The following TRHDE variants were observed in gnomAD, a reference collection of about 807,000 sequenced individuals.
The protein encoded by TRHDE is thyrotropin-releasing hormone-degrading ectoenzyme.
A neutral mutation model predicts 125.7 loss-of-function variants in TRHDE; 72 were observed. That is an observed-to-expected ratio of 0.57 (90% CI 0.47 to 0.70). The LOEUF (loss-of-function observed/expected upper bound fraction) is 0.70, where lower values mean the gene tolerates loss of function less well. Among genes scored for constraint, TRHDE ranks in the 30% least tolerant of loss-of-function variants. TRHDE has a pLI of 0.00. For synonymous variants in TRHDE, 509 were observed against 509.1 expected, an observed-to-expected ratio of 1.00 and a Z score of 0.00; for missense variants, 1,110 against 1,327.1, an observed-to-expected ratio of 0.84 and a Z score of 2.54.
In TRHDE at chr12:72,575,555, G is replaced by C. The variant is rs1870952771; in HGVS notation, c.2321+13G>C. ...TCAGCCTAGCCAGGTATGTTTTCCT[G>C]TGGATCTCCCCAATAAAAACTTGTG... is the stretch of plus-strand genomic sequence containing the variant. On this transcript the variant is annotated intron_variant, in intron 12 of 18. Coordinates refer to ENST00000261180, the MANE Select transcript of TRHDE (RefSeq NM_013381.3). 2.2e-5 allele frequency: 36 copies of C among 1,613,176 alleles called. No homozygotes were observed. Among genetic ancestry groups the C allele is most frequent in the Non-Finnish European group, 3.0e-5 (35 of 1,179,430 alleles).
chr12:72,088,113 G>GT (rs1253008551), intron 1 of TRHDE, among the ~76,000 whole-genome samples: 3 of 152,170 alleles, frequency 2.0e-5, no homozygotes, highest in Non-Finnish European at 4.4e-5. Context: ...ACAGAATAAA[G>GT]TACTAGCATC....
At chr12:72,331,777 T>C (rs891389903) in intron 2 of TRHDE, among the ~76,000 whole-genome samples, 4 of 152,178 alleles carry the variant, frequency 2.6e-5, no homozygotes, top group Non-Finnish European at 5.9e-5. Flanking sequence ...AAGATAGGCA[T>C]GTTGAATTAC....
intron 2 of TRHDE, among the ~76,000 whole-genome samples, chr12:72,157,105 C>T (rs1357946780): frequency 6.6e-6 from 1 of 151,768 alleles, no homozygotes; most frequent in Non-Finnish European, 1.5e-5. Context: ...TCAGCAACTA[C>T]ACTGATTTTT....
chr12:72,470,136 T>A (rs578146607), intron 4 of TRHDE, among the ~76,000 whole-genome samples: 2 of 152,338 alleles, frequency 1.3e-5, no homozygotes, highest in South Asian at 2.1e-4. Flanking sequence ...TCCATTTAGT[T>A]GAAGAGTGAG....
At chr12:72,297,767 T>TC (rs1235017080) in intron 2 of TRHDE, among the ~76,000 whole-genome samples, 17 of 152,112 alleles carry the variant, frequency 1.1e-4, no homozygotes, top group African/African-American at 4.1e-4. Flanking sequence ...CAGATCTGCT[T>TC]AAGGATGAGA....
At chr12:72,215,620 T>C (rs915192442) in intron 2 of TRHDE, among the ~76,000 whole-genome samples, 12 of 152,208 alleles carry the variant, frequency 7.9e-5, no homozygotes, top group Admixed American at 6.5e-4. Flanking sequence ...TAGTTTGGGA[T>C]CCCACAGCTT....
chr12:72,607,422 G>C (rs932774641), intron 12 of TRHDE, among the ~76,000 whole-genome samples: 2 of 152,026 alleles, frequency 1.3e-5, no homozygotes, highest in Non-Finnish European at 2.9e-5. Context: ...GCAAAATGCT[G>C]TTTCCTTCAT....
At chr12:72,386,370 T>G (rs929479537) in intron 3 of TRHDE, among the ~76,000 whole-genome samples, 1 of 152,204 alleles carries the variant, frequency 6.6e-6, no homozygotes, top group Non-Finnish European at 1.5e-5. Flanking sequence ...TATACTCCGC[T>G]GTTTCCCCTA....
At chr12:72,621,037 C>A in intron 13 of TRHDE, 71 bp from the exon 14 acceptor site, 1 of 705,188 alleles carries the variant, frequency 1.4e-6, no homozygotes, top group Non-Finnish European at 2.4e-6. Context: ...AATTTTATTA[C>A]AGAATTTTAA....
intron 2 of TRHDE, among the ~76,000 whole-genome samples, chr12:72,343,197 G>A (rs1313228343): frequency 6.6e-6 from 1 of 152,052 alleles, no homozygotes; most frequent in Admixed American, 6.6e-5. Flanking sequence ...TTCTCAATAT[G>A]AGTACAATTG....
rs558857017 is a variant in TRHDE at position 72,194,073 on chromosome 12, C to A, written n.279+88321C>A. On this transcript the variant is annotated intron_variant and non_coding_transcript_variant, in intron 2 of 4. Coordinates refer to the TRHDE transcript ENST00000548156. ...AAATAAGGTTAAATAATTTGATAAA[C>A]ACCCAACAGAACATAATAACTTTTG... Among the ~76,000 whole-genome samples the A allele has an allele frequency of 4.6e-5, 7 of 152,138 alleles. No homozygotes were observed. The East Asian group carries it at 5.8e-4, about 13-fold the overall frequency.
At chr12:72,433,935 C>A (rs768713298) in intron 3 of TRHDE, among the ~76,000 whole-genome samples, 3 of 151,846 alleles carry the variant, frequency 2.0e-5, no homozygotes, top group Non-Finnish European at 2.9e-5. Context: ...ATACTGTAGC[C>A]GTTGACTGAG....
At chr12:72,318,716 AT>A (rs34492933) in intron 2 of TRHDE, among the ~76,000 whole-genome samples, 38 of 151,286 alleles carry the variant, frequency 2.5e-4, no homozygotes, top group African/African-American at 8.7e-4. Context: ...GTCAAAAGTT[AT>A]TTTTTTTTGT....
chr12:72,173,710 C>T (rs989939102), intron 2 of TRHDE, among the ~76,000 whole-genome samples: 2 of 152,038 alleles, frequency 1.3e-5, no homozygotes, highest in African/African-American at 2.4e-5. Context: ...GTCCCATATG[C>T]CCTTTGTATC....
intron 2 of TRHDE, among the ~76,000 whole-genome samples, chr12:72,240,872 T>C (rs910094634): frequency 6.6e-6 from 1 of 152,146 alleles, no homozygotes; most frequent in African/African-American, 2.4e-5. Flanking sequence ...GCGCCTGGCC[T>C]CTCCAATCAA....
chr12:72,249,366 CAGA>C (rs1027540806), intron 2 of TRHDE, among the ~76,000 whole-genome samples: 5 of 151,924 alleles, frequency 3.3e-5, no homozygotes, highest in African/African-American at 9.7e-5. Flanking sequence ...TAAAAATAAG[CAGA>C]AGATTTTAGC....
At chr12:72,412,062 G>A (rs574722528) in intron 3 of TRHDE, among the ~76,000 whole-genome samples, 4 of 152,090 alleles carry the variant, frequency 2.6e-5, no homozygotes, top group Admixed American at 2.0e-4. Context: ...AGGTAGGAAA[G>A]TCTTTCTTAT....
intron 2 of TRHDE, among the ~76,000 whole-genome samples, chr12:72,130,076 C>T (rs554897388): frequency 3.3e-5 from 5 of 151,828 alleles, no homozygotes; most frequent in Non-Finnish European, 5.9e-5. Context: ...CTGAGGTGGG[C>T]GGATCATGAG....
At chr12:72,192,607 C>T (rs1244417380) in intron 2 of TRHDE, among the ~76,000 whole-genome samples, 2 of 152,056 alleles carry the variant, frequency 1.3e-5, no homozygotes, top group Admixed American at 6.5e-5. Flanking sequence ...ATAGTGTGAA[C>T]TTTGGAGTTA....
Sources: gnomAD v4.1 joint callset for allele counts (sites outside exome capture counted in the v4.1 genomes callset) on GRCh38, gnomAD v4.1.1 for gene constraint, MANE v1.5 for transcripts, NCBI Gene and HGNC (gene_info 2026-07-23, HGNC 2026-07-21) for gene names.